Variants in FARS2 observed in about 807,000 individuals in gnomAD.
The protein encoded by FARS2 is phenylalanine--tRNA ligase, mitochondrial.
A neutral mutation model predicts 46.4 loss-of-function variants in FARS2; 40 were observed. The ratio of observed to expected loss-of-function variants is 0.86; its 90% CI spans 0.67 to 1.12. FARS2 has a LOEUF of 1.12. FARS2 is among the 50% of genes most tolerant of loss of function. The pLI is 0.00. For missense variants in FARS2, 513 were observed against 567.9 expected (o/e 0.90, Z 0.98); for synonymous variants, 234 against 214.9 (o/e 1.09, Z -0.78).
At chr6:5,590,775 T>C (rs181094217) in intron 5 of FARS2, among the ~76,000 whole-genome samples, 25 of 152,354 alleles carry the variant, frequency 1.6e-4, no homozygotes, top group African/African-American at 3.4e-4. Context: ...GCATTTGGCC[T>C]ATCATGTCTT....
Position 5,387,646 on chromosome 6 carries a change from A to G in FARS2, c.613-16896A>G, listed in dbSNP as rs947720992. 9.2e-5 allele frequency among the ~76,000 whole-genome samples: 14 copies of G among 152,324 alleles called. No individual in the cohort carries two copies. The Middle Eastern group carries it at 0.014, about 148-fold the overall frequency. ...CTTATAGAGGCAGTCTACATTGATC[A>G]AGTAATTAGGAAGAATAGCGTGAAG... On this transcript the variant is annotated intron_variant, in intron 2 of 6. Transcript: ENST00000274680.
chr6:5,599,119 C>T (rs1774364636), intron 5 of FARS2, among the ~76,000 whole-genome samples: 2 of 152,180 alleles, frequency 1.3e-5, no homozygotes, highest in Admixed American at 6.5e-5. Context: ...TCTGAGAGTT[C>T]ATCCTCTAAG....
At chr6:5,679,511 C>T (rs12198644) in intron 6 of FARS2, among the ~76,000 whole-genome samples, 5,065 of 152,292 alleles carry the variant, frequency 0.033, 99 homozygotes, top group African/African-American at 0.052. Flanking sequence ...TCCATCACCC[C>T]TCTGTCAACA....
At position 5,506,148 on chromosome 6, in the gene FARS2, C is replaced by G. The variant is rs149585456; in HGVS notation, c.905-39032C>G. ...AACAAGCATAGTCTCTCAGCTGTCC[C>G]AGTGGAGAGCAGGGCAAGAAAGCCT... On this transcript the variant is annotated intron_variant, in intron 4 of 6. Transcript: ENST00000274680. Among the ~76,000 whole-genome samples, 43 of 152,272 alleles carry G rather than the reference C, an allele frequency of 2.8e-4. No individual in the cohort carries two copies. In the East Asian group the frequency reaches 8.3e-3, roughly 29 times the overall value.
intron 1 of FARS2, among the ~76,000 whole-genome samples, chr6:5,354,565 G>C (rs193118418): frequency 6.6e-5 from 10 of 150,418 alleles, no homozygotes; most frequent in Non-Finnish European, 1.3e-4. Context: ...CCAGGCTGGA[G>C]TGCAGTGGCA....
In FARS2 at chr6:5,731,476, G is replaced by A. The variant is rs1018579454; in HGVS notation, c.1218-39815G>A. On this transcript the variant is annotated intron_variant, in intron 6 of 6. Coordinates refer to ENST00000274680, the MANE Select transcript of FARS2 (RefSeq NM_006567.5). ...CCATGTCTCCTGCTTCTGCACTCAC[G>A]CCCTGGGCTCCTGCCCCTTGGATTA... 5.3e-5 allele frequency among the ~76,000 whole-genome samples: 8 copies of A among 152,190 alleles called. No individual in the cohort carries two copies. The South Asian group carries it at 8.3e-4, about 16-fold the overall frequency.
At chr6:5,439,306 A>G (rs1763711782) in intron 4 of FARS2, among the ~76,000 whole-genome samples, 1 of 151,982 alleles carries the variant, frequency 6.6e-6, no homozygotes, top group South Asian at 2.1e-4. Flanking sequence ...GGCTTTCTCT[A>G]CCCCAAGATC....
At chr6:5,650,711 T>G (rs977972591) in intron 6 of FARS2, among the ~76,000 whole-genome samples, 1 of 152,058 alleles carries the variant, frequency 6.6e-6, no homozygotes. Flanking sequence ...TCTCCTCACC[T>G]CATGATCCAC....
chr6:5,600,182 G>A lies in FARS2; in HGVS notation c.1066-12987G>A, dbSNP rs542482001. Among the ~76,000 whole-genome samples, 25 of 152,304 alleles carry A rather than the reference G, an allele frequency of 1.6e-4. No individual in the cohort carries two copies. In the South Asian group the frequency reaches 5.2e-3, roughly 32 times the overall value. On this transcript the variant is annotated intron_variant, in intron 5 of 6. Transcript: ENST00000274680. ...GGACCATGATATTGAAACATCAAAA[G>A]TTAATTGAATACAAGGTTACCAGAA...
chr6:5,444,492 A>AAAG (rs1764054093), intron 4 of FARS2, among the ~76,000 whole-genome samples: 11 of 35,612 alleles, frequency 3.1e-4, no homozygotes, highest in African/African-American at 1.2e-3. Flanking sequence ...AAAAAAAAAA[A>AAAG]AGAGAGAGAG....
chr6:5,563,240 C>A (rs536988784), intron 5 of FARS2, among the ~76,000 whole-genome samples: 6 of 152,122 alleles, frequency 3.9e-5, no homozygotes, highest in African/African-American at 1.4e-4. Flanking sequence ...CATGAAAATG[C>A]TGGCCCTCCC....
At chr6:5,365,895 A>T (rs1758645102) in intron 1 of FARS2, among the ~76,000 whole-genome samples, 1 of 152,322 alleles carries the variant, frequency 6.6e-6, no homozygotes, top group South Asian at 2.1e-4. Flanking sequence ...TTTACTATTT[A>T]TTAAGTGGAA....
At chr6:5,603,635 C>T (rs749574931) in intron 5 of FARS2, among the ~76,000 whole-genome samples, 1 of 152,216 alleles carries the variant, frequency 6.6e-6, no homozygotes, top group Non-Finnish European at 1.5e-5. Flanking sequence ...GGAGCGTTAT[C>T]CCAGCCTCTG....
intron 6 of FARS2, among the ~76,000 whole-genome samples, chr6:5,616,828 T>C (rs1427667685): frequency 6.6e-6 from 1 of 152,130 alleles, no homozygotes; most frequent in Non-Finnish European, 1.5e-5. Flanking sequence ...GCTTCACCCT[T>C]GCCAGCGTCA....
rs569567858 is a variant in FARS2, at chr6:5,350,475, T to C, written c.-21-18075T>C. ...AGGCACTGTGGCATTTGCGAAAGGTTAGACACAGAGATCAGTGGAACAGAA... is the reference window on the plus strand; with the variant it reads ...AGGCACTGTGGCATTTGCGAAAGGTCAGACACAGAGATCAGTGGAACAGAA... On this transcript the variant is annotated intron_variant, in intron 1 of 6. Coordinates refer to ENST00000274680, the MANE Select transcript of FARS2 (RefSeq NM_006567.5). 1.1e-4 allele frequency among the ~76,000 whole-genome samples: 17 copies of C among 152,302 alleles called. No homozygotes were observed. In the East Asian group the frequency reaches 2.7e-3, roughly 24 times the overall value.
At chr6:5,769,027 T>TG (rs2150987661) in intron 6 of FARS2, among the ~76,000 whole-genome samples, 1 of 152,350 alleles carries the variant, frequency 6.6e-6, no homozygotes, top group South Asian at 2.1e-4. Flanking sequence ...CCTGTGCTTT[T>TG]GGTGTCATCT....
intron 3 of FARS2, among the ~76,000 whole-genome samples, chr6:5,405,147 C>G (rs1006016704): frequency 6.6e-6 from 1 of 152,064 alleles, no homozygotes; most frequent in Non-Finnish European, 1.5e-5. Flanking sequence ...GGAGCCAAGT[C>G]TAAACACGAA....
At chr6:5,533,064 G>A (rs1769963779) in intron 4 of FARS2, among the ~76,000 whole-genome samples, 1 of 152,066 alleles carries the variant, frequency 6.6e-6, no homozygotes, top group African/African-American at 2.4e-5. Flanking sequence ...TCAGTCATTG[G>A]GGAGGAAAAT....
intron 4 of FARS2, among the ~76,000 whole-genome samples, chr6:5,434,327 G>T (rs1411322613): frequency 6.6e-6 from 1 of 152,050 alleles, no homozygotes; most frequent in South Asian, 2.1e-4. Flanking sequence ...GGCCAGGCTG[G>T]TCTCGAACTC....
Sources: gnomAD v4.1 joint callset for allele counts (sites outside exome capture counted in the v4.1 genomes callset) on GRCh38, gnomAD v4.1.1 for gene constraint, MANE v1.5 for transcripts, NCBI Gene and HGNC (gene_info 2026-07-23, HGNC 2026-07-21) for gene names.